Variants in UBE3C observed in about 807,000 individuals in gnomAD.
The protein encoded by UBE3C is ubiquitin-protein ligase E3C.
Under a neutral mutation model 129.4 loss-of-function variants are expected in UBE3C, and 42 were observed. The ratio of observed to expected loss-of-function variants is 0.32; its 90% CI spans 0.25 to 0.42. UBE3C has a LOEUF of 0.42. UBE3C is among the 10% of genes least tolerant of loss of function. The pLI, the probability that UBE3C is intolerant of heterozygous loss-of-function variation, is 1.00. For missense variants in UBE3C, 1,049 were observed against 1,319.1 expected, an observed-to-expected ratio of 0.80 and a Z score of 3.17; for synonymous variants, 510 against 492.4, an observed-to-expected ratio of 1.04 and a Z score of -0.47.
chr7:157,182,269 A>C lies in UBE3C; in HGVS notation c.932A>C (p.Lys311Thr), dbSNP rs548243585. Residue 311 changes from lysine to threonine, a missense_variant, in exon 8 of 23, where the codon AAG (lysine) becomes ACG (threonine). By Grantham distance (78) the Lys-to-Thr change is moderately conservative. Coordinates refer to ENST00000348165, the MANE Select transcript of UBE3C (RefSeq NM_014671.3). ...TTAATAGAGAGTAGATGTTCAAGAA[A>C]GAGTGGTGGAGCACCCTGGCTTTTC... ...LLLIESRCSR[K>T]SGGAPWLFYF... 6.2e-7 allele frequency: 1 copy of C among 1,614,274 alleles called. No individual in the cohort carries two copies. The highest frequency in any genetic ancestry group is 1.7e-5 in the Admixed American group (1 of 60,034).
intron 17 of UBE3C, 87 bp downstream of exon 17, chr7:157,225,626 C>T (rs1795854396): frequency 1.4e-6 from 2 of 1,400,090 alleles, no homozygotes; most frequent in Non-Finnish European, 9.4e-7. Context: ...AAATTAGTGT[C>T]CATCATCTTG....
chr7:157,212,242 A>G (rs1440096307), intron 13 of UBE3C, among the ~76,000 whole-genome samples: 4 of 152,156 alleles, frequency 2.6e-5, no homozygotes, highest in African/African-American at 9.7e-5. Context: ...GGTTTTAGTT[A>G]CCAGATTTTA....
chr7:157,157,701 G>A (rs1283887283), intron 1 of UBE3C, among the ~76,000 whole-genome samples: 2 of 152,172 alleles, frequency 1.3e-5, no homozygotes, highest in Admixed American at 6.5e-5. Flanking sequence ...GTGGCTGGGC[G>A]TGGTAGCTCA....
At chr7:157,246,771 G>A (rs941167373) in intron 18 of UBE3C, among the ~76,000 whole-genome samples, 2 of 152,118 alleles carry the variant, frequency 1.3e-5, no homozygotes, top group African/African-American at 4.8e-5. Context: ...CTGTTGAGAG[G>A]GTTTCTTTCT....
chr7:157,160,891 C>G (rs1808050416), intron 1 of UBE3C, among the ~76,000 whole-genome samples: 1 of 152,082 alleles, frequency 6.6e-6, no homozygotes, highest in Admixed American at 6.5e-5. Flanking sequence ...AGTATTGAGT[C>G]CATGATGCGT....
At chr7:157,265,939 TG>T (rs1353150432) in intron 22 of UBE3C, among the ~76,000 whole-genome samples, 1 of 152,246 alleles carries the variant, frequency 6.6e-6, no homozygotes, top group Non-Finnish European at 1.5e-5. Flanking sequence ...ATTTAAATTC[TG>T]GCACAAGCAA....
chr7:157,260,471 G>A (rs914198668), intron 22 of UBE3C, among the ~76,000 whole-genome samples: 1 of 152,228 alleles, frequency 6.6e-6, no homozygotes, highest in African/African-American at 2.4e-5. Flanking sequence ...AGGGAAAGCT[G>A]GGTGCTGCCT....
chr7:157,139,454 T>G, intron 1 of UBE3C, 116 bp downstream of exon 1: 1 of 941,198 alleles, frequency 1.1e-6, no homozygotes, highest in Non-Finnish European at 1.4e-6. Context: ...GGGGCTGGAT[T>G]CGGGGCCTCC....
rs753518911 is a variant in UBE3C at position 157,197,493 on chromosome 7, A to G, written c.1332-4228A>G. On this transcript the variant is annotated intron_variant, in intron 10 of 22. Coordinates refer to ENST00000348165, the MANE Select transcript of UBE3C (RefSeq NM_014671.3). ...ATAAAACCAAAATTTATCTGTAAAA[A>G]TAATAAAAATAATTTGTTTTTTTTT... 1,287 of 807,202 alleles carry G rather than the reference A, an allele frequency of 1.6e-3. 10 individuals are homozygous for G. Among genetic ancestry groups the G allele is most frequent in the South Asian group, 2.3e-3 (80 of 35,520 alleles). The allele number at this position is 807,202 out of a possible 1,614,324, so 50.0% of individuals were successfully genotyped here. A position where few individuals can be genotyped will look rare whatever the true frequency, so the allele number is the denominator to read the frequency against.
chr7:157,175,739 A>C (rs1388673997), intron 5 of UBE3C, among the ~76,000 whole-genome samples: 1 of 152,226 alleles, frequency 6.6e-6, no homozygotes, highest in Non-Finnish European at 1.5e-5. Flanking sequence ...AGGAATAAAG[A>C]ACCTATTAGA....
Position 157,267,612 on chromosome 7 carries a change from A to C in UBE3C, c.3109A>C (p.Asn1037His). Reference sequence around the variant, plus strand: ...GTTGTATCCCGCATTTTGTATTCACAACGGAGGCTCCGACCTTGAGCGGCT... The same window carrying C: ...GTTGTATCCCGCATTTTGTATTCACCACGGAGGCTCCGACCTTGAGCGGCT... ...KELYPAFCIH[N>H]GGSDLERLPT... is the part of the protein sequence containing the mutation. The change falls in exon 23 of 23, where the codon AAC becomes CAC. Residue 1037 changes from asparagine (N) to histidine (H), a missense_variant. Asn to His is a moderately conservative substitution (Grantham distance 68). Transcript: ENST00000348165. The C allele has an allele frequency of 6.2e-7, 1 of 1,613,324 alleles. No homozygotes were observed. The highest frequency in any genetic ancestry group is 8.5e-7 in the Non-Finnish European group (1 of 1,179,778).
intron 22 of UBE3C, among the ~76,000 whole-genome samples, chr7:157,259,308 C>T (rs117347133): frequency 0.012 from 1,807 of 152,306 alleles, 20 homozygotes; most frequent in Middle Eastern, 0.051. Context: ...ATTTAATTGG[C>T]GTGCTCTTTA....
intron 18 of UBE3C, chr7:157,231,584 T>G (rs965483397): frequency 2.1e-6 from 1 of 466,666 alleles, no homozygotes; most frequent in African/African-American, 2.0e-5. Flanking sequence ...TAAGAGGTGA[T>G]TAGATCATGT....
chr7:157,154,243 C>A (rs1264155421), intron 1 of UBE3C, among the ~76,000 whole-genome samples: 2 of 151,488 alleles, frequency 1.3e-5, no homozygotes, highest in African/African-American at 4.9e-5. Context: ...TTGCTTGAAC[C>A]TGGGAGGTGG....
chr7:157,187,729 A>C (rs1203642187), intron 10 of UBE3C, among the ~76,000 whole-genome samples: 4 of 151,260 alleles, frequency 2.6e-5, no homozygotes, highest in Non-Finnish European at 5.9e-5. Flanking sequence ...GGCGCCCGCC[A>C]CCTCGCCCGG....
intron 15 of UBE3C, 22 bp downstream of exon 15, chr7:157,220,798 G>T (rs758148798): frequency 6.2e-7 from 1 of 1,612,590 alleles, no homozygotes; most frequent in Non-Finnish European, 8.5e-7. Context: ...AGGACACAGG[G>T]TTACTGAGGT....
chr7:157,212,920 G>C (rs1809638196), intron 13 of UBE3C, among the ~76,000 whole-genome samples: 1 of 152,056 alleles, frequency 6.6e-6, no homozygotes, highest in South Asian at 2.1e-4. Context: ...ACCACACCCG[G>C]CTAATTTTTG....
In UBE3C at chr7:157,178,698, A is replaced by G. The variant is rs750097763; in HGVS notation, c.467A>G (p.Gln156Arg). 1.2e-6 allele frequency: 2 copies of G among 1,613,290 alleles called. No individual in the cohort carries two copies. The highest frequency in any genetic ancestry group is 4.5e-5 in the East Asian group (2 of 44,864). Residue 156 changes from glutamine to arginine, a missense_variant, in exon 6 of 23, where the codon CAA becomes CGA. By Grantham distance (43) the Gln-to-Arg change is conservative. Around this residue, in one of 4 missense-constraint regions of UBE3C, gnomAD observed 489 missense variants for 513.8 expected, o/e 0.95. Coordinates refer to ENST00000348165, the MANE Select transcript of UBE3C (RefSeq NM_014671.3). ...TTTTTTCATTTTTACAGGTTGCTGC[A>G]AAACTGTAATGATGACAGTTTGAAT... ...RLMSLCCRLL[Q>R]NCNDDSLNVA...
chr7:157,183,369 G>A (rs1024796187), intron 8 of UBE3C, among the ~76,000 whole-genome samples: 16 of 152,186 alleles, frequency 1.1e-4, no homozygotes, highest in Admixed American at 9.8e-4. Context: ...CAGAACTCGG[G>A]AAGTCGAGGT....
Sources: gnomAD v4.1 joint callset for allele counts (sites outside exome capture counted in the v4.1 genomes callset) on GRCh38, gnomAD v4.1.1 for gene constraint, gnomAD v4.1.1 regional missense constraint, MANE v1.5 for transcripts, NCBI Gene and HGNC (gene_info 2026-07-23, HGNC 2026-07-21) for gene names.